Variants in IL1RAPL2 observed in about 807,000 individuals in gnomAD.
IL1RAPL2 encodes the protein X-linked interleukin-1 receptor accessory protein-like 2.
Under a neutral mutation model 44.1 loss-of-function variants are expected in IL1RAPL2, and 3 were observed. The ratio of observed to expected loss-of-function variants is 0.07; its 90% CI spans 0.03 to 0.18. The LOEUF (loss-of-function observed/expected upper bound fraction) is 0.18, where lower values mean the gene tolerates loss of function less well. Ranked by LOEUF, IL1RAPL2 falls within the 10% of genes least tolerant of loss-of-function variation. IL1RAPL2 has a pLI of 1.00. For missense variants in IL1RAPL2, 391 were observed against 496.4 expected, an observed-to-expected ratio of 0.79 and a Z score of 2.02; for synonymous variants, 181 against 178.8, an observed-to-expected ratio of 1.01 and a Z score of -0.10.
intron 2 of IL1RAPL2, among the ~76,000 whole-genome samples, chrX:105,189,114 TA>T (rs1339326154): frequency 8.9e-6 from 1 of 112,596 alleles, no homozygotes; most frequent in Non-Finnish European, 1.9e-5. Context: ...ATTAAAATAT[TA>T]GGAAAAAGAG....
intron 2 of IL1RAPL2, among the ~76,000 whole-genome samples, chrX:104,983,325 G>A (rs917295277): frequency 5.0e-5 from 5 of 100,865 alleles, no homozygotes; most frequent in Non-Finnish European, 9.8e-5. Context: ...AATTGTGTCC[G>A]GAATAGAAAA....
intron 6 of IL1RAPL2, among the ~76,000 whole-genome samples, chrX:105,635,097 G>A (rs746065679): frequency 1.2e-4 from 13 of 111,656 alleles, no homozygotes; most frequent in Non-Finnish European, 1.9e-4. Flanking sequence ...CAGCAAAACC[G>A]TATAGGTTGT....
At chrX:105,436,380 T>C (rs1409585984) in intron 5 of IL1RAPL2, among the ~76,000 whole-genome samples, 4 of 111,469 alleles carry the variant, frequency 3.6e-5, no homozygotes, top group Non-Finnish European at 5.7e-5. Context: ...TATCCAAAAA[T>C]TGTAATAAAA....
chrX:105,723,534 T>A (rs1229031022), intron 7 of IL1RAPL2, among the ~76,000 whole-genome samples: 1 of 111,416 alleles, frequency 9.0e-6, no homozygotes, highest in Non-Finnish European at 1.9e-5. Flanking sequence ...TTTTTGGTAT[T>A]TTTTTTAACC....
At chrX:104,639,266 T>A (rs1012974652) in intron 1 of IL1RAPL2, among the ~76,000 whole-genome samples, 1 of 111,436 alleles carries the variant, frequency 9.0e-6, no homozygotes, top group Non-Finnish European at 1.9e-5. Flanking sequence ...TTTATTTCCA[T>A]TTTTGTGGAA....
intron 2 of IL1RAPL2, among the ~76,000 whole-genome samples, chrX:105,023,927 G>A (rs961643767): frequency 1.8e-5 from 2 of 110,662 alleles, no homozygotes; most frequent in African/African-American, 3.3e-5. Flanking sequence ...AATTCTCAGA[G>A]CCTAAAAGTG....
intron 2 of IL1RAPL2, among the ~76,000 whole-genome samples, chrX:104,847,122 A>T (rs1302707897): frequency 2.7e-5 from 3 of 111,299 alleles, no homozygotes; most frequent in Non-Finnish European, 5.7e-5. Context: ...TATTGCAAAA[A>T]TTTTCTCCCA....
intron 7 of IL1RAPL2, among the ~76,000 whole-genome samples, chrX:105,718,105 GAT>G (rs1569468622): frequency 9.0e-6 from 1 of 111,648 alleles, no homozygotes; most frequent in Admixed American, 9.5e-5. Flanking sequence ...GTACAAAAAA[GAT>G]ATAAAAATAT....
chrX:105,120,000 A>G (rs2032906206), intron 2 of IL1RAPL2, among the ~76,000 whole-genome samples: 1 of 109,655 alleles, frequency 9.1e-6, no homozygotes, highest in Non-Finnish European at 1.9e-5. Context: ...GTTTTTACTG[A>G]TGGGAAAATT....
intron 5 of IL1RAPL2, among the ~76,000 whole-genome samples, chrX:105,340,519 G>A (rs761034064): frequency 9.8e-5 from 11 of 111,890 alleles, no homozygotes; most frequent in Admixed American, 1.9e-4. Context: ...CTGTGACTTC[G>A]TCTCCTGTTC....
intron 2 of IL1RAPL2, among the ~76,000 whole-genome samples, chrX:105,096,434 T>A (rs1454381046): frequency 8.9e-6 from 1 of 112,232 alleles, no homozygotes; most frequent in African/African-American, 3.2e-5. Flanking sequence ...AGCCAGAAAG[T>A]GGAAATATCC....
intron 6 of IL1RAPL2, among the ~76,000 whole-genome samples, chrX:105,553,865 T>G (rs2147804001): frequency 8.9e-6 from 1 of 112,680 alleles, no homozygotes; most frequent in African/African-American, 3.2e-5. Context: ...GCAAATAAGC[T>G]TATTTTTCCT....
At chrX:105,668,769 C>T (rs1167365392) in intron 6 of IL1RAPL2, among the ~76,000 whole-genome samples, 1 of 111,778 alleles carries the variant, frequency 8.9e-6, no homozygotes, top group Non-Finnish European at 1.9e-5. Flanking sequence ...GTGTGACCAC[C>T]CATGTTTGAA....
rs1050726647 is a variant in IL1RAPL2, at chrX:104,945,000, G to C, written c.83-250475G>C. 5.4e-5 allele frequency among the ~76,000 whole-genome samples: 6 copies of C among 111,730 alleles called. No homozygotes were observed. In the South Asian group the frequency reaches 1.1e-3, roughly 21 times the overall value. On this transcript the variant is annotated intron_variant, in intron 2 of 10. Transcript: ENST00000372582. ...GTTGTAAGGAATAGATAAATAATTT[G>C]AAAAGTAATTAGCATATGGCCAGAA...
At chrX:104,644,502 C>T (rs1929996024) in intron 1 of IL1RAPL2, among the ~76,000 whole-genome samples, 2 of 111,584 alleles carry the variant, frequency 1.8e-5, no homozygotes, top group African/African-American at 6.5e-5. Context: ...ATCAGAAAAT[C>T]CTCCCGTGTA....
chrX:105,569,339 CAT>C (rs1157086009), intron 6 of IL1RAPL2, among the ~76,000 whole-genome samples: 4 of 112,062 alleles, frequency 3.6e-5, no homozygotes, highest in African/African-American at 1.3e-4. Context: ...ACCCTGGTCT[CAT>C]GACTTGCAGT....
chrX:104,938,305 A>T (rs961924709), intron 2 of IL1RAPL2, among the ~76,000 whole-genome samples: 1 of 112,045 alleles, frequency 8.9e-6, no homozygotes, highest in African/African-American at 3.2e-5. Context: ...CTTTATTAGA[A>T]TTCTTGTCCA....
At chrX:105,078,925 T>C (rs764842159) in intron 2 of IL1RAPL2, among the ~76,000 whole-genome samples, 1 of 112,255 alleles carries the variant, frequency 8.9e-6, no homozygotes, top group African/African-American at 3.2e-5. Flanking sequence ...CCAGGTGCCC[T>C]CTGTCACCCC....
chrX:104,845,927 G>A (rs1922038587), intron 2 of IL1RAPL2, among the ~76,000 whole-genome samples: 3 of 111,672 alleles, frequency 2.7e-5, no homozygotes, highest in Admixed American at 1.9e-4. Flanking sequence ...TGATGACTAA[G>A]AGTCAGTGTC....
Sources: allele counts gnomAD v4.1 joint callset (sites outside exome capture counted in the v4.1 genomes callset), GRCh38; gene constraint gnomAD v4.1.1; transcripts MANE v1.5; gene names NCBI Gene and HGNC (gene_info 2026-07-23, HGNC 2026-07-21).